The following TLN2 variants were observed in gnomAD, a reference collection of about 807,000 sequenced individuals.
The protein encoded by TLN2 is talin-2.
Under a neutral mutation model 294.7 loss-of-function variants are expected in TLN2, and 118 were observed. That is an observed-to-expected ratio of 0.40 (90% CI 0.34 to 0.47). TLN2 has a LOEUF of 0.47. Among genes scored for constraint, TLN2 ranks in the 20% least tolerant of loss-of-function variants. The probability of loss-of-function intolerance (pLI) is 0.84; values close to 1 mark genes in which losing one functional copy is unlikely to be tolerated. For synonymous variants in TLN2, 1,431 were observed against 1,304.5 expected (o/e 1.10, Z -2.09); for missense variants, 3,083 against 3,282.2 (o/e 0.94, Z 1.48).
In TLN2 at chr15:62,766,341, T is replaced by G. The variant is rs565917546; in HGVS notation, c.5115T>G (p.Thr1705=). 2 of 1,613,142 alleles carry G rather than the reference T, an allele frequency of 1.2e-6. No individual in the cohort carries two copies. Among genetic ancestry groups the G allele is most frequent in the African/African-American group, 1.3e-5 (1 of 75,042 alleles). Residue 1705 remains threonine, a synonymous_variant, in exon 41 of 59, where the codon ACT becomes ACG. Transcript: ENST00000636159. ...ISVEALQEQL[T]SVVQEIGHLI... ...ATCAGGCCCTGCAGGAGCAGCTGAC[T>G]TCGGTGGTCCAGGAAATCGGACACC...
At chr15:62,492,322 G>A (rs1266120388) in intron 1 of TLN2, among the ~76,000 whole-genome samples, 2 of 151,844 alleles carry the variant, frequency 1.3e-5, no homozygotes, top group Non-Finnish European at 2.9e-5. Flanking sequence ...ACTTTGGGAC[G>A]CCAAGGCGGG....
chr15:62,490,112 G>A lies in TLN2; in HGVS notation c.-238+99427G>A, dbSNP rs117001261. On this transcript the variant is annotated intron_variant, in intron 1 of 58. Coordinates refer to ENST00000636159, the MANE Select transcript of TLN2 (RefSeq NM_015059.3). ...CTTCAGCAGTGATTTTAGCATATTC[G>A]TAGTGAGACTCAGTAGCACTGAGAC... 4.1e-3 allele frequency among the ~76,000 whole-genome samples: 624 copies of A among 152,270 alleles called. 1 individual carries two copies. Among genetic ancestry groups the A allele is most frequent in the Non-Finnish European group, 6.2e-3 (424 of 68,024 alleles).
chr15:62,410,175 G>A (rs900511262), intron 1 of TLN2, among the ~76,000 whole-genome samples: 5 of 152,052 alleles, frequency 3.3e-5, no homozygotes, highest in African/African-American at 1.2e-4. Context: ...CCGGGAGACG[G>A]AGGTTGCACT....
Position 62,717,701 on chromosome 15 carries a change from G to A in TLN2, c.2877+12G>A. ...TCCAGAGTTGCAAGGTGAGGTTCCA[G>A]TGCACAGAGAGCCAGGTCAGCTGCA... On this transcript the variant is annotated intron_variant, in intron 24 of 58. Transcript: ENST00000636159. 1 of 1,549,908 alleles carries A rather than the reference G, an allele frequency of 6.5e-7. No homozygotes were observed. Among genetic ancestry groups the A allele is most frequent in the South Asian group, 1.3e-5 (1 of 79,690 alleles).
intron 1 of TLN2, among the ~76,000 whole-genome samples, chr15:62,431,848 A>G (rs2035029256): frequency 1.3e-5 from 2 of 152,240 alleles, no homozygotes; most frequent in Admixed American, 1.3e-4. Flanking sequence ...CTTGGTGTAA[A>G]TATTTTGTGG....
intron 1 of TLN2, among the ~76,000 whole-genome samples, chr15:62,445,159 C>T (rs1036955314): frequency 2.0e-5 from 3 of 152,114 alleles, no homozygotes; most frequent in Non-Finnish European, 4.4e-5. Flanking sequence ...TGTTGAAATG[C>T]CCAGGCTGCA....
chr15:62,702,629 C>T, intron 18 of TLN2, 137 bp from the exon 19 acceptor site: 1 of 785,834 alleles, frequency 1.3e-6, no homozygotes, highest in Non-Finnish European at 2.1e-6. Context: ...TGTCTTCTAT[C>T]TGGCAGACCA....
chr15:62,653,373 C>T, intron 7 of TLN2, 59 bp downstream of exon 7: 1 of 1,538,748 alleles, frequency 6.5e-7, no homozygotes. Context: ...GCCTCACTTC[C>T]CTCCCACCAT....
In TLN2 at chr15:62,735,281, C is replaced by G. The variant is rs1488944811; in HGVS notation, c.3359-1597C>G. 2.0e-5 allele frequency among the ~76,000 whole-genome samples: 3 copies of G among 152,322 alleles called. No individual in the cohort carries two copies. The South Asian group carries it at 6.2e-4, about 32-fold the overall frequency. On this transcript the variant is annotated intron_variant, in intron 28 of 58. Transcript: ENST00000636159. ...TGTCCTGGCATCTCCAGTCTTCATC[C>G]TCTTCTTGGGTGTGCCAAGGACTGT...
chr15:62,710,578 T>G (rs2141126826), intron 21 of TLN2, among the ~76,000 whole-genome samples: 1 of 152,330 alleles, frequency 6.6e-6, no homozygotes, highest in South Asian at 2.1e-4. Context: ...CCCATATACC[T>G]TTCCCAGTTT....
intron 1 of TLN2, among the ~76,000 whole-genome samples, chr15:62,406,726 C>G (rs2033430855): frequency 6.6e-6 from 1 of 152,084 alleles, no homozygotes; most frequent in East Asian, 1.9e-4. Context: ...GTTGCTTTCA[C>G]CCTGGCTGTG....
At chr15:62,648,909 C>A (rs1224356721) in intron 4 of TLN2, among the ~76,000 whole-genome samples, 1 of 151,980 alleles carries the variant, frequency 6.6e-6, no homozygotes, top group African/African-American at 2.4e-5. Context: ...GCAGTGGCCC[C>A]ATCACACTTC....
chr15:62,492,998 G>A (rs1271697366), intron 1 of TLN2, among the ~76,000 whole-genome samples: 1 of 152,162 alleles, frequency 6.6e-6, no homozygotes, highest in Non-Finnish European at 1.5e-5. Flanking sequence ...TCCTGTTAGG[G>A]GTGGAAATAT....
intron 3 of TLN2, among the ~76,000 whole-genome samples, chr15:62,634,121 A>T (rs2050165677): frequency 6.6e-6 from 1 of 152,200 alleles, no homozygotes; most frequent in Non-Finnish European, 1.5e-5. Flanking sequence ...GGGGGTTAGG[A>T]CCTTAACATA....
intron 45 of TLN2, among the ~76,000 whole-genome samples, chr15:62,787,620 C>A (rs2064774510): frequency 6.6e-6 from 1 of 151,924 alleles, no homozygotes; most frequent in Admixed American, 6.6e-5. Flanking sequence ...CGTTGGATCA[C>A]CCTGTGGGCT....
intron 1 of TLN2, among the ~76,000 whole-genome samples, chr15:62,557,809 G>A (rs566543723): frequency 4.5e-4 from 69 of 152,322 alleles, no homozygotes; most frequent in African/African-American, 1.6e-3. Flanking sequence ...CCAAAGTGTT[G>A]GGATTACAGG....
chr15:62,535,632 T>C (rs1019153716), intron 1 of TLN2, among the ~76,000 whole-genome samples: 5 of 151,542 alleles, frequency 3.3e-5, no homozygotes, highest in Admixed American at 3.3e-4. Context: ...TGCAGCTCAC[T>C]GCAACCTCTG....
intron 1 of TLN2, among the ~76,000 whole-genome samples, chr15:62,532,269 GTTTT>G (rs200511637): frequency 3.3e-5 from 5 of 151,852 alleles, no homozygotes; most frequent in African/African-American, 1.2e-4. Context: ...TGTTCTGTTT[GTTTT>G]TTTAGTAGAG....
chr15:62,787,693 CTT>C (rs71672889), intron 45 of TLN2, among the ~76,000 whole-genome samples: 154 of 65,580 alleles, frequency 2.3e-3, no homozygotes, highest in East Asian at 8.4e-3. Context: ...AACTCCTTAT[CTT>C]TTTTTTTTTT....
Sources: gnomAD v4.1 joint callset for allele counts (sites outside exome capture counted in the v4.1 genomes callset) on GRCh38, gnomAD v4.1.1 for gene constraint, MANE v1.5 for transcripts, NCBI Gene and HGNC (gene_info 2026-07-23, HGNC 2026-07-21) for gene names.